The following ITSN1 variants were observed in gnomAD, a reference collection of about 807,000 sequenced individuals.
The protein encoded by ITSN1 is intersectin-1.
A neutral mutation model predicts 239.8 loss-of-function variants in ITSN1; 58 were observed. The ratio of observed to expected loss-of-function variants is 0.24; its 90% CI spans 0.20 to 0.30. The LOEUF is 0.30. Among genes scored for constraint, ITSN1 ranks in the 10% least tolerant of loss-of-function variants. The pLI, the probability that ITSN1 is intolerant of heterozygous loss-of-function variation, is 1.00. For missense variants in ITSN1, 1,558 were observed against 2,103.3 expected, an observed-to-expected ratio of 0.74 and a Z score of 5.07; for synonymous variants, 780 against 770.8, an observed-to-expected ratio of 1.01 and a Z score of -0.20.
At chr21:33,790,254 TA>T (rs1023862109) in intron 16 of ITSN1, among the ~76,000 whole-genome samples, 10 of 151,568 alleles carry the variant, frequency 6.6e-5, no homozygotes, top group Admixed American at 2.0e-4. Context: ...TGTGATTTTT[TA>T]AAAAAAACTT....
Position 33,678,787 on chromosome 21 carries a change from C to T in ITSN1, c.-33+36074C>T, listed in dbSNP as rs1187538947. On this transcript the variant is annotated intron_variant, in intron 1 of 39. Coordinates refer to ENST00000381318, the MANE Select transcript of ITSN1 (RefSeq NM_003024.3). ...GGAGTGTAGTGGCGCAATCATGGCT[C>T]ACTGCAACCTCTGCCTCCCGGGTTT... 2.6e-5 allele frequency among the ~76,000 whole-genome samples: 4 copies of T among 152,170 alleles called. No homozygotes were observed. In the East Asian group the frequency reaches 7.7e-4, roughly 29 times the overall value.
At chr21:33,677,861 T>C (rs1016912303) in intron 1 of ITSN1, among the ~76,000 whole-genome samples, 4 of 152,208 alleles carry the variant, frequency 2.6e-5, no homozygotes, top group Admixed American at 2.6e-4. Flanking sequence ...TCATTTCCAC[T>C]GTTAAAACAT....
At chr21:33,881,614 T>C (rs9978563) in intron 34 of ITSN1, among the ~76,000 whole-genome samples, 89,316 of 151,800 alleles carry the variant, frequency 0.59, 27,304 homozygotes, top group African/African-American at 0.77. Context: ...AGACCCTGCA[T>C]AGAGCAGGGA....
At chr21:33,858,401 C>T (rs937340227) in intron 30 of ITSN1, among the ~76,000 whole-genome samples, 1 of 152,250 alleles carries the variant, frequency 6.6e-6, no homozygotes, top group African/African-American at 2.4e-5. Context: ...TTGGTACCGG[C>T]CTCCCTGCTT....
At chr21:33,777,699 A>C (rs905172508) in intron 14 of ITSN1, among the ~76,000 whole-genome samples, 1 of 152,200 alleles carries the variant, frequency 6.6e-6, no homozygotes, top group Non-Finnish European at 1.5e-5. Context: ...TGTATATTGC[A>C]TATTTTTATT....
intron 16 of ITSN1, among the ~76,000 whole-genome samples, chr21:33,787,958 C>G (rs930414035): frequency 6.6e-6 from 1 of 152,104 alleles, no homozygotes; most frequent in Non-Finnish European, 1.5e-5. Context: ...TACCAGTAGG[C>G]TGCTTGGTTG....
intron 1 of ITSN1, among the ~76,000 whole-genome samples, chr21:33,711,770 A>C (rs1478305161): frequency 1.3e-5 from 2 of 152,082 alleles, no homozygotes; most frequent in Non-Finnish European, 2.9e-5. Flanking sequence ...ATCACTTCAC[A>C]TAGAATGTAG....
chr21:33,773,000 CTTTTTTT>C (rs768551303), intron 12 of ITSN1, among the ~76,000 whole-genome samples: 139 of 133,062 alleles, frequency 1.0e-3, no homozygotes, highest in Non-Finnish European at 1.5e-3. Context: ...CTGCAATCTT[CTTTTTTT>C]TTTTTTTTTT....
At chr21:33,808,118 C>T (rs974650041) in intron 20 of ITSN1, among the ~76,000 whole-genome samples, 8 of 151,092 alleles carry the variant, frequency 5.3e-5, no homozygotes, top group Non-Finnish European at 1.0e-4. Context: ...ACCCGGGAAG[C>T]GGAGCTTGCA....
At chr21:33,840,027 C>T (rs1025225716) in intron 29 of ITSN1, among the ~76,000 whole-genome samples, 2 of 152,206 alleles carry the variant, frequency 1.3e-5, no homozygotes, top group African/African-American at 4.8e-5. Flanking sequence ...CCTGGTTATT[C>T]ACCACCAGAA....
intron 1 of ITSN1, among the ~76,000 whole-genome samples, chr21:33,665,193 G>A (rs2089847662): frequency 1.3e-5 from 2 of 152,126 alleles, no homozygotes; most frequent in Admixed American, 1.3e-4. Flanking sequence ...AACCTGGGAG[G>A]TGGAGGTTGC....
At chr21:33,718,121 T>TC in intron 1 of ITSN1, among the ~76,000 whole-genome samples, 1 of 152,308 alleles carries the variant, frequency 6.6e-6, no homozygotes, top group South Asian at 2.1e-4. Context: ...ATTTACCTGA[T>TC]CCATAATATG....
chr21:33,822,620 G>A (rs2073753338), intron 24 of ITSN1, among the ~76,000 whole-genome samples: 1 of 152,120 alleles, frequency 6.6e-6, no homozygotes, highest in Admixed American at 6.5e-5. Context: ...GTGATGCAAA[G>A]TTCTACATCT....
At chr21:33,858,620 C>T (rs952985911) in intron 30 of ITSN1, 66 bp from the exon 31 acceptor site, 7 of 989,934 alleles carry the variant, frequency 7.1e-6, no homozygotes, top group Non-Finnish European at 9.6e-6. Context: ...CTCAGCGGAT[C>T]GGCGTGTGAG....
At chr21:33,801,133 A>G (rs1018265480) in intron 19 of ITSN1, among the ~76,000 whole-genome samples, 1 of 152,030 alleles carries the variant, frequency 6.6e-6, no homozygotes, top group Non-Finnish European at 1.5e-5. Context: ...CAGCCTCCCA[A>G]AGTGCTGAAA....
intron 4 of ITSN1, among the ~76,000 whole-genome samples, chr21:33,734,668 A>T (rs1267125910): frequency 6.6e-6 from 1 of 152,158 alleles, no homozygotes; most frequent in Non-Finnish European, 1.5e-5. Context: ...CACATAATAA[A>T]ATTTACTCGT....
At chr21:33,723,749 G>T (rs903962606) in intron 4 of ITSN1, among the ~76,000 whole-genome samples, 1 of 152,150 alleles carries the variant, frequency 6.6e-6, no homozygotes, top group Admixed American at 6.5e-5. Flanking sequence ...AATAGGAATG[G>T]TTATAGTTTT....
intron 1 of ITSN1, among the ~76,000 whole-genome samples, chr21:33,670,875 G>A (rs1009116606): frequency 6.6e-6 from 1 of 152,198 alleles, no homozygotes; most frequent in Non-Finnish European, 1.5e-5. Flanking sequence ...ATATCAAGAA[G>A]GGCATTAGAT....
chr21:33,848,149 C>T (rs2075041657), intron 29 of ITSN1, among the ~76,000 whole-genome samples: 1 of 152,230 alleles, frequency 6.6e-6, no homozygotes, highest in African/African-American at 2.4e-5. Context: ...GAACTGTGTC[C>T]CTCAGATTCA....
Sources: gnomAD v4.1 joint callset for allele counts (sites outside exome capture counted in the v4.1 genomes callset) on GRCh38, gnomAD v4.1.1 for gene constraint, MANE v1.5 for transcripts, NCBI Gene and HGNC (gene_info 2026-07-23, HGNC 2026-07-21) for gene names.